MSRA: variants seen among roughly 807,000 people sequenced by gnomAD.
The protein encoded by MSRA is mitochondrial peptide methionine sulfoxide reductase.
Under a neutral mutation model 31.3 loss-of-function variants are expected in MSRA, and 54 were observed. That is an observed-to-expected ratio of 1.73 (90% confidence interval 1.39 to 2.17). The LOEUF is 2.17. Among genes scored for constraint, MSRA ranks in the 30% most tolerant of loss-of-function variants. The pLI, the probability that MSRA is intolerant of heterozygous loss-of-function variation, is 0.00. For synonymous variants in MSRA, 169 were observed against 116.5 expected, an observed-to-expected ratio of 1.45 and a Z score of -2.90; for missense variants, 507 against 300.9, an observed-to-expected ratio of 1.69 and a Z score of -5.07.
At chr8:10,417,476 C>T (rs967685063) in intron 5 of MSRA, among the ~76,000 whole-genome samples, 3 of 150,712 alleles carry the variant, frequency 2.0e-5, no homozygotes, top group African/African-American at 7.4e-5. Context: ...CTTAGTAAGC[C>T]CAGCCAGTCA....
chr8:10,363,738 C>CA (rs377334413), intron 5 of MSRA, among the ~76,000 whole-genome samples: 2 of 103,288 alleles, frequency 1.9e-5, no homozygotes, highest in African/African-American at 6.7e-5. Flanking sequence ...GATGCAGTCA[C>CA]CACACACACA....
intron 2 of MSRA, among the ~76,000 whole-genome samples, chr8:10,237,495 T>C (rs1026457394): frequency 6.6e-6 from 1 of 152,234 alleles, no homozygotes; most frequent in Non-Finnish European, 1.5e-5. Context: ...AAAATTCTAT[T>C]TAAAAATTTT....
chr8:10,216,870 G>A (rs1013795855), intron 2 of MSRA, among the ~76,000 whole-genome samples: 2 of 152,194 alleles, frequency 1.3e-5, no homozygotes, highest in South Asian at 2.1e-4. Context: ...GAACCTGAGT[G>A]TACAGATCTC....
intron 3 of MSRA, among the ~76,000 whole-genome samples, chr8:10,291,712 C>T (rs141163197): frequency 6.6e-6 from 1 of 151,958 alleles, no homozygotes; most frequent in African/African-American, 2.4e-5. Context: ...ATTCTGTGTG[C>T]TCTTTGATTT....
intron 3 of MSRA, among the ~76,000 whole-genome samples, chr8:10,266,607 G>GTT: frequency 2.0e-5 from 3 of 146,344 alleles, no homozygotes; most frequent in African/African-American, 7.5e-5. Flanking sequence ...CAGTCTATCG[G>GTT]TTTTTTTTTT....
intron 3 of MSRA, among the ~76,000 whole-genome samples, chr8:10,278,492 G>A (rs1178678597): frequency 6.6e-6 from 1 of 152,200 alleles, no homozygotes; most frequent in African/African-American, 2.4e-5. Context: ...CTGTGGCTCT[G>A]CTATCTCCCA....
intron 5 of MSRA, among the ~76,000 whole-genome samples, chr8:10,396,863 C>G (rs1315807796): frequency 1.3e-5 from 2 of 152,212 alleles, no homozygotes; most frequent in East Asian, 3.8e-4. Context: ...AAAGCCTTCC[C>G]TGAGCCTCCC....
At chr8:10,145,676 T>A (rs17747335) in intron 1 of MSRA, among the ~76,000 whole-genome samples, 51,408 of 152,102 alleles carry the variant, frequency 0.34, 9,901 homozygotes, top group Middle Eastern at 0.5. Flanking sequence ...TGGCAAGTGG[T>A]TTCCCTGAAA....
At chr8:10,129,241 A>G (rs1344570319) in intron 1 of MSRA, among the ~76,000 whole-genome samples, 1 of 152,122 alleles carries the variant, frequency 6.6e-6, no homozygotes, top group African/African-American at 2.4e-5. Context: ...GGTATTCTGC[A>G]TGACTATCAT....
intron 3 of MSRA, among the ~76,000 whole-genome samples, chr8:10,272,490 G>A (rs1799097787): frequency 6.6e-6 from 1 of 152,158 alleles, no homozygotes; most frequent in South Asian, 2.1e-4. Context: ...TTCTATTCAG[G>A]CCTTCAACTT....
At chr8:10,307,102 A>G (rs936532194) in intron 4 of MSRA, among the ~76,000 whole-genome samples, 14 of 151,174 alleles carry the variant, frequency 9.3e-5, no homozygotes, top group Non-Finnish European at 1.8e-4. Flanking sequence ...GCTCAGGTCT[A>G]TTTTCTTTTC....
intron 5 of MSRA, among the ~76,000 whole-genome samples, chr8:10,425,514 A>G (rs1405947216): frequency 1.3e-5 from 2 of 152,346 alleles, no homozygotes; most frequent in Non-Finnish European, 2.9e-5. Flanking sequence ...CGCTGTGCTC[A>G]GAGAATCTTC....
chr8:10,251,997 C>T (rs1307010426), intron 3 of MSRA, among the ~76,000 whole-genome samples: 2 of 152,186 alleles, frequency 1.3e-5, no homozygotes, highest in Non-Finnish European at 2.9e-5. Context: ...TCTGCAGGAG[C>T]TCCAGAGGTA....
At chr8:10,159,274 G>A (rs547811878) in intron 1 of MSRA, among the ~76,000 whole-genome samples, 6 of 152,344 alleles carry the variant, frequency 3.9e-5, no homozygotes, top group Admixed American at 3.3e-4. Context: ...TGACAGAGGG[G>A]ACAGAGCAGG....
intron 5 of MSRA, among the ~76,000 whole-genome samples, chr8:10,405,505 AT>A (rs200812206): frequency 2.6e-5 from 4 of 151,694 alleles, no homozygotes; most frequent in Admixed American, 1.3e-4. Flanking sequence ...CATGCCCGGC[AT>A]TTTTTTTTCC....
In MSRA at chr8:10,410,012, G is replaced by A. The variant is rs149359301; in HGVS notation, c.544-18136G>A. ...GAGTTTGAGGCAGCAGTGAGCTATCGTGGTGCCACTGCACTCCCCCCTGGG... is the reference window on the plus strand; with the variant it reads ...GAGTTTGAGGCAGCAGTGAGCTATCATGGTGCCACTGCACTCCCCCCTGGG... On this transcript the variant is annotated intron_variant, in intron 5 of 5. Coordinates refer to ENST00000317173, the MANE Select transcript of MSRA (RefSeq NM_012331.5). 1.9e-4 allele frequency among the ~76,000 whole-genome samples: 29 copies of A among 152,326 alleles called. No individual in the cohort carries two copies. In the East Asian group the frequency reaches 5.2e-3, roughly 27 times the overall value.
chr8:10,413,546 C>G (rs1362395479), intron 5 of MSRA, among the ~76,000 whole-genome samples: 1 of 150,788 alleles, frequency 6.6e-6, no homozygotes, highest in Non-Finnish European at 1.5e-5. Flanking sequence ...TAAACAAAGA[C>G]TTTAAATCTG....
chr8:10,064,394 C>G (rs1052816153), intron 1 of MSRA, among the ~76,000 whole-genome samples: 4 of 151,032 alleles, frequency 2.6e-5, no homozygotes, highest in Non-Finnish European at 5.9e-5. Flanking sequence ...TCTTGTATTT[C>G]TGTAGGAATT....
chr8:10,298,072 C>T (rs1563323251), intron 3 of MSRA, among the ~76,000 whole-genome samples: 1 of 152,206 alleles, frequency 6.6e-6, no homozygotes, highest in Admixed American at 6.5e-5. Flanking sequence ...CTCTTACGTC[C>T]TCACTGTTGT....
Sources: gnomAD v4.1 joint callset for allele counts (sites outside exome capture counted in the v4.1 genomes callset) on GRCh38, gnomAD v4.1.1 for gene constraint, MANE v1.5 for transcripts, NCBI Gene and HGNC (gene_info 2026-07-23, HGNC 2026-07-21) for gene names.